The following RIN3 variants were observed in gnomAD, a reference collection of about 807,000 sequenced individuals.
The protein encoded by RIN3 is RAB5 interacting protein 3.
In RIN3, 54 loss-of-function variants were observed where a neutral mutation model predicts 76.3. The observed-to-expected ratio is 0.71, with a 90% CI of 0.57 to 0.89. The LOEUF is 0.89. Among genes scored for constraint, RIN3 ranks in the 40% least tolerant of loss-of-function variants. RIN3 has a pLI of 0.00. For synonymous variants in RIN3, 576 were observed against 564.0 expected, an observed-to-expected ratio of 1.02 and a Z score of -0.30; for missense variants, 1,256 against 1,322.1, an observed-to-expected ratio of 0.95 and a Z score of 0.78.
chr14:92,603,075 C>T (rs1242992580), intron 3 of RIN3, among the ~76,000 whole-genome samples: 1 of 152,210 alleles, frequency 6.6e-6, no homozygotes, highest in African/African-American at 2.4e-5. Flanking sequence ...AAGCCTGCAT[C>T]GCACTCGGCC....
At chr14:92,538,953 A>C (rs1595397792) in intron 1 of RIN3, among the ~76,000 whole-genome samples, 1 of 150,108 alleles carries the variant, frequency 6.7e-6, no homozygotes, top group Non-Finnish European at 1.5e-5. Flanking sequence ...CCCCCTTCCC[A>C]CCCTGTCCCC....
At chr14:92,592,677 A>G (rs367890443) in intron 3 of RIN3, among the ~76,000 whole-genome samples, 1 of 131,510 alleles carries the variant, frequency 7.6e-6, no homozygotes, top group Non-Finnish European at 1.7e-5. Flanking sequence ...TATTATTATT[A>G]TTATTATTAT....
Position 92,652,684 on chromosome 14 carries a change from C to T in RIN3, c.1635C>T (p.Thr545=), listed in dbSNP as rs199542539. The stretch of plus-strand genomic sequence containing the variant: ...GCTTGGGGGTGTCTGTCATGGCCAC[C>T]GACCAGGACTCCTACTCCACCAGCA... ...SDSLGVSVMA[T]DQDSYSTSST... is the part of the protein sequence containing the mutation. The change falls in exon 6 of 10, where the codon ACC becomes ACT. Residue 545 remains threonine, a synonymous_variant. Transcript: ENST00000216487. The surrounding 1 kb of genome is among the most constrained non-coding windows in gnomAD (Gnocchi z 6.4). The T allele has an allele frequency of 1.3e-4, 212 of 1,613,064 alleles. No homozygotes were observed. In the Middle Eastern group the frequency reaches 1.5e-3, roughly 11 times the overall value.
At chr14:92,564,628 G>A (rs576334940) in intron 2 of RIN3, among the ~76,000 whole-genome samples, 9 of 152,302 alleles carry the variant, frequency 5.9e-5, no homozygotes, top group East Asian at 1.9e-4. Flanking sequence ...CCCTCAGCCC[G>A]TTGCTCTTAC....
intron 7 of RIN3, among the ~76,000 whole-genome samples, chr14:92,667,957 C>T (rs1888167190): frequency 6.6e-6 from 1 of 152,156 alleles, no homozygotes; most frequent in Non-Finnish European, 1.5e-5. Flanking sequence ...CCCCACAACA[C>T]AAATGGAGTG....
intron 4 of RIN3, among the ~76,000 whole-genome samples, chr14:92,620,003 G>C (rs944086270): frequency 1.3e-5 from 2 of 152,216 alleles, no homozygotes; most frequent in Non-Finnish European, 2.9e-5. Flanking sequence ...CAATAAAACT[G>C]TCTTTATTTC....
At chr14:92,525,812 A>T (rs1160686313) in intron 1 of RIN3, among the ~76,000 whole-genome samples, 3 of 152,198 alleles carry the variant, frequency 2.0e-5, no homozygotes, top group African/African-American at 7.2e-5. Flanking sequence ...TCCTTGTCCC[A>T]GGGACCCTCA....
At chr14:92,646,682 C>T (rs753770573) in intron 5 of RIN3, among the ~76,000 whole-genome samples, 10 of 152,130 alleles carry the variant, frequency 6.6e-5, no homozygotes, top group East Asian at 1.9e-4. Flanking sequence ...TCAGGTGATC[C>T]GGCCCGCCTC....
intron 4 of RIN3, chr14:92,615,703 C>T (rs1462516235): frequency 5.5e-6 from 3 of 544,874 alleles, no homozygotes; most frequent in Non-Finnish European, 9.9e-6. Flanking sequence ...ACCTGCCCCT[C>T]TGGCTCACGG....
Position 92,641,289 on chromosome 14 carries a change from C to G in RIN3, c.492C>G (p.Ser164Arg), listed in dbSNP as rs201000085. ...TACCCCAGGCCATCCTTGAGGCCAG[C>G]AGCTTCACGGACCTTGAGACCATCG... is the stretch of plus-strand genomic sequence containing the variant. ...LRLPQAILEA[S>R]SFTDLETIAN... The change falls in exon 5 of 10, where the codon AGC (serine) becomes AGG (arginine). Residue 164 changes from serine to arginine, a missense_variant. Ser to Arg is a moderately radical substitution (Grantham distance 110). Coordinates refer to ENST00000216487, the MANE Select transcript of RIN3 (RefSeq NM_024832.5). 2.5e-5 allele frequency: 40 copies of G among 1,613,992 alleles called. No individual in the cohort carries two copies. The highest frequency in any genetic ancestry group is 3.3e-5 in the Non-Finnish European group (39 of 1,179,966).
chr14:92,576,243 A>G (rs867742375), intron 2 of RIN3: 2 of 1,285,278 alleles, frequency 1.6e-6, no homozygotes, highest in African/African-American at 1.5e-5. Flanking sequence ...ACATTTTAAA[A>G]CAGCAGAGTT....
intron 7 of RIN3, among the ~76,000 whole-genome samples, chr14:92,663,400 A>G (rs772139241): frequency 6.6e-6 from 1 of 152,230 alleles, no homozygotes; most frequent in Non-Finnish European, 1.5e-5. Context: ...GTTGAATGGA[A>G]CAGAACCAGG....
chr14:92,660,308 G>C (rs4357865), intron 7 of RIN3, among the ~76,000 whole-genome samples: 150,569 of 152,228 alleles, frequency 0.99, 74,485 homozygotes, highest in Middle Eastern at 1. Flanking sequence ...CTGGGATGGC[G>C]TTGCTCACAT....
At chr14:92,545,219 C>T (rs1177542276) in intron 1 of RIN3, among the ~76,000 whole-genome samples, 1 of 148,506 alleles carries the variant, frequency 6.7e-6, no homozygotes, top group Non-Finnish European at 1.5e-5. Context: ...ATGCCATTCT[C>T]CTGCCTCAGC....
rs532531400 is a variant in RIN3, at chr14:92,605,190, C to T, written c.368-10217C>T. Among the ~76,000 whole-genome samples, 13 of 152,154 alleles carry T rather than the reference C, an allele frequency of 8.5e-5. No individual in the cohort carries two copies. The East Asian group carries it at 9.7e-4, about 11-fold the overall frequency. On this transcript the variant is annotated intron_variant, in intron 3 of 9. Transcript: ENST00000216487. ...CCTCCCAAAGTGCTAGGATTACAGG[C>T]GCGAGCCACCACTCCCCGCCCCATT...
At chr14:92,580,858 A>C (rs1380203238) in intron 3 of RIN3, among the ~76,000 whole-genome samples, 1 of 152,246 alleles carries the variant, frequency 6.6e-6, no homozygotes, top group Non-Finnish European at 1.5e-5. Flanking sequence ...ATCACACCTA[A>C]CTGCAAGGGA....
At chr14:92,587,999 C>T (rs562940874) in intron 3 of RIN3, among the ~76,000 whole-genome samples, 26 of 152,088 alleles carry the variant, frequency 1.7e-4, no homozygotes, top group Middle Eastern at 3.4e-3. Flanking sequence ...TCTCTGGAGA[C>T]GAGGGATGCT....
chr14:92,523,884 G>A (rs533384614), intron 1 of RIN3, among the ~76,000 whole-genome samples: 4 of 152,074 alleles, frequency 2.6e-5, no homozygotes, highest in Non-Finnish European at 5.9e-5. Context: ...TGGTGTCCCC[G>A]CCACACCAGC....
chr14:92,581,244 G>A (rs1898426540), intron 3 of RIN3, among the ~76,000 whole-genome samples: 1 of 152,190 alleles, frequency 6.6e-6, no homozygotes, highest in African/African-American at 2.4e-5. Flanking sequence ...GGTCTCCTGG[G>A]AGATAGAGAG....
Sources: allele counts gnomAD v4.1 joint callset (sites outside exome capture counted in the v4.1 genomes callset), GRCh38; gene constraint gnomAD v4.1.1; non-coding constraint Gnocchi (gnomAD v3.1); transcripts MANE v1.5; gene names NCBI Gene and HGNC (gene_info 2026-07-23, HGNC 2026-07-21).